The following LRRC7 variants were observed in gnomAD, a reference collection of about 807,000 sequenced individuals.
LRRC7 encodes leucine rich repeat containing 7.
Under a neutral mutation model 175.7 loss-of-function variants are expected in LRRC7, and 23 were observed. The observed-to-expected ratio is 0.13, with a 90% confidence interval of 0.09 to 0.19. The LOEUF is 0.19. Ranked by LOEUF, LRRC7 falls within the 10% of genes least tolerant of loss-of-function variation. LRRC7 has a pLI of 1.00. For synonymous variants in LRRC7, 685 were observed against 680.9 expected (o/e 1.01, Z -0.09); for missense variants, 1,354 against 1,904.7 (o/e 0.71, Z 5.38).
chr1:69,902,259 G>T (rs1203060733), intron 7 of LRRC7, among the ~76,000 whole-genome samples: 1 of 152,118 alleles, frequency 6.6e-6, no homozygotes, highest in Non-Finnish European at 1.5e-5. Context: ...TTAGTTATCT[G>T]GTTGATGAAA....
chr1:70,089,537 A>C (rs532107715), intron 24 of LRRC7, among the ~76,000 whole-genome samples, 190 bp from the exon 25 acceptor site: 1 of 152,342 alleles, frequency 6.6e-6, no homozygotes, highest in East Asian at 1.9e-4. Context: ...GCGAGTTTCC[A>C]TCATAACTGA....
At chr1:70,114,765 A>G (rs1425205122) in intron 26 of LRRC7, among the ~76,000 whole-genome samples, 1 of 152,222 alleles carries the variant, frequency 6.6e-6, no homozygotes, top group African/African-American at 2.4e-5. Flanking sequence ...TGTTCATAAT[A>G]TACAAAGTTC....
intron 7 of LRRC7, among the ~76,000 whole-genome samples, chr1:69,908,130 C>T (rs570042434): frequency 3.3e-5 from 5 of 151,898 alleles, no homozygotes; most frequent in South Asian, 2.1e-4. Context: ...TTTTTTATTG[C>T]GTCTATTTCA....
In LRRC7 at chr1:69,840,430, C is replaced by CAATAACAATAAATCA. The variant is rs1681598046; in HGVS notation, c.647+2147_647+2148insAATAACAATAAATCA. On this transcript the variant is annotated intron_variant, in intron 7 of 26. Transcript: ENST00000651989. The stretch of plus-strand genomic sequence containing the variant: ...CAATTTTAGTTTAACAATAACTATT[C>CAATAACAATAAATCA]TGAGAAGAGATAACTCATGATTTCC... Among the ~76,000 whole-genome samples the CAATAACAATAAATCA allele has an allele frequency of 1.3e-5, 2 of 151,988 alleles. 1 individual carries two copies. The highest frequency in any genetic ancestry group is 4.1e-4 in the South Asian group (2 of 4,824).
intron 2 of LRRC7, among the ~76,000 whole-genome samples, chr1:69,708,164 T>C (rs1664277478): frequency 6.6e-6 from 1 of 152,196 alleles, no homozygotes; most frequent in South Asian, 2.1e-4. Flanking sequence ...TATATACGTA[T>C]GACACATAAA....
At chr1:69,960,759 C>A (rs567784152) in intron 8 of LRRC7, among the ~76,000 whole-genome samples, 13 of 151,146 alleles carry the variant, frequency 8.6e-5, no homozygotes, top group African/African-American at 3.2e-4. Flanking sequence ...CAGAAAAGGC[C>A]TTCAATAAAA....
chr1:69,853,060 C>A (rs916314638), intron 7 of LRRC7, among the ~76,000 whole-genome samples: 1 of 151,862 alleles, frequency 6.6e-6, no homozygotes, highest in African/African-American at 2.4e-5. Context: ...TTAAGTCATC[C>A]CTGATGCCCA....
chr1:69,904,253 A>T (rs1218000677), intron 7 of LRRC7, among the ~76,000 whole-genome samples: 1 of 152,214 alleles, frequency 6.6e-6, no homozygotes, highest in Non-Finnish European at 1.5e-5. Flanking sequence ...GAAACAACTT[A>T]CAGAAAAAGA....
chr1:69,928,631 C>T (rs994458401), intron 7 of LRRC7, among the ~76,000 whole-genome samples: 1 of 152,238 alleles, frequency 6.6e-6, no homozygotes, highest in Non-Finnish European at 1.5e-5. Flanking sequence ...ATGTAATCTC[C>T]TGGTGCGCCA....
At chr1:69,930,992 A>G (rs1207681807) in intron 7 of LRRC7, among the ~76,000 whole-genome samples, 1 of 152,234 alleles carries the variant, frequency 6.6e-6, no homozygotes, top group Non-Finnish European at 1.5e-5. Flanking sequence ...CCAAAACTGT[A>G]TCAGTGTGAC....
At chr1:69,774,195 G>A (rs535402021) in intron 3 of LRRC7, among the ~76,000 whole-genome samples, 26 of 152,196 alleles carry the variant, frequency 1.7e-4, no homozygotes, top group Non-Finnish European at 3.7e-4. Flanking sequence ...ATCACCTTGA[G>A]AGAGCAATCT....
At chr1:69,593,148 A>G (rs1168022468) in intron 1 of LRRC7, among the ~76,000 whole-genome samples, 1 of 152,120 alleles carries the variant, frequency 6.6e-6, no homozygotes, top group Admixed American at 6.5e-5. Context: ...TTGAATTTGT[A>G]GTGTATAGCA....
At chr1:70,035,463 A>G in intron 18 of LRRC7, among the ~76,000 whole-genome samples, 1 of 152,038 alleles carries the variant, frequency 6.6e-6, no homozygotes, top group East Asian at 1.9e-4. Flanking sequence ...TTAGTATGCT[A>G]GATTAGGTGT....
rs1654687617 is a variant in LRRC7, at chr1:69,993,946, A to G, written c.932-615A>G. Among the ~76,000 whole-genome samples the G allele has an allele frequency of 3.3e-5, 5 of 152,342 alleles. No homozygotes were observed. The South Asian group carries it at 1.0e-3, about 32-fold the overall frequency. ...GCAAGCCATTAAGGGTATGGAGGCC[A>G]TAAATCAGATAATGAAAGATAAATA... On this transcript the variant is annotated intron_variant, in intron 10 of 26. Transcript: ENST00000651989.
chr1:69,939,041 CTATATCTA>C (rs1291814341), intron 8 of LRRC7, among the ~76,000 whole-genome samples: 49 of 50,700 alleles, frequency 9.7e-4, no homozygotes, highest in East Asian at 2.0e-3. Flanking sequence ...CTATATATAT[CTATATCTA>C]TCTCACAGAC....
intron 11 of LRRC7, among the ~76,000 whole-genome samples, chr1:70,005,246 G>C (rs1349473903): frequency 1.3e-5 from 2 of 152,128 alleles, no homozygotes; most frequent in Non-Finnish European, 2.9e-5. Context: ...GCCCACGCCT[G>C]TCTCAATATT....
chr1:69,906,363 G>C (rs530320195), intron 7 of LRRC7, among the ~76,000 whole-genome samples: 19 of 151,994 alleles, frequency 1.3e-4, no homozygotes, highest in Admixed American at 3.3e-4. Context: ...GTATTGCCTA[G>C]GTTTTCTTCT....
chr1:69,936,858 A>G (rs1046068862), intron 8 of LRRC7, among the ~76,000 whole-genome samples: 3 of 152,096 alleles, frequency 2.0e-5, no homozygotes, highest in Non-Finnish European at 4.4e-5. Context: ...GCTTGAGTTA[A>G]TGGCCTCCAG....
chr1:69,864,406 A>T (rs1684691568), intron 7 of LRRC7, among the ~76,000 whole-genome samples: 1 of 152,210 alleles, frequency 6.6e-6, no homozygotes, highest in Admixed American at 6.5e-5. Context: ...GTCTATAATG[A>T]TATTCAACAA....
Sources: gnomAD v4.1 joint callset for allele counts (sites outside exome capture counted in the v4.1 genomes callset) on GRCh38, gnomAD v4.1.1 for gene constraint, MANE v1.5 for transcripts, NCBI Gene and HGNC (gene_info 2026-07-23, HGNC 2026-07-21) for gene names.